LRTM3: variants seen among roughly 807,000 people sequenced by gnomAD.
LRTM3 encodes leucine-rich repeat transmembrane protein 3.
the LRTM3 span, chr13:102,739,843 T>G: frequency 6.5e-7 from 1 of 1,549,958 alleles, no homozygotes; most frequent in Non-Finnish European, 8.7e-7. Context: ...CCAAATCTAT[T>G]TCACTCATTC....
the LRTM3 span, chr13:102,740,881 G>T: frequency 1.3e-6 from 2 of 1,549,944 alleles, no homozygotes; most frequent in South Asian, 2.4e-5. Flanking sequence ...CCATTAAAGA[G>T]TGAGAAACAG....
At chr13:102,756,036 T>C in the LRTM3 span, among the ~76,000 whole-genome samples, 1 of 148,202 alleles carries the variant, frequency 6.7e-6, no homozygotes, top group Non-Finnish European at 1.5e-5. Context: ...CTCGTCTCAC[T>C]GCAACCTCTG....
chr13:102,743,134 T>C, the LRTM3 span: 5 of 1,550,488 alleles, frequency 3.2e-6, no homozygotes, highest in Admixed American at 9.8e-5. Context: ...GATCCATTTC[T>C]GTAAGATGTT....
At chr13:102,751,342 TACACACACAC>T in the LRTM3 span, among the ~76,000 whole-genome samples, 305 of 142,112 alleles carry the variant, frequency 2.1e-3, 1 homozygote, top group African/African-American at 3.0e-3. Flanking sequence ...TCTCTCTTTA[TACACACACAC>T]ACACACACAC....
chr13:102,745,417 C>T, the LRTM3 span: 3 of 1,550,754 alleles, frequency 1.9e-6, no homozygotes, highest in Non-Finnish European at 2.6e-6. Context: ...GTGTCATAGT[C>T]AGGAAAGCAT....
At chr13:102,735,187 T>TAA in the LRTM3 span, 1 of 1,551,336 alleles carries the variant, frequency 6.4e-7, no homozygotes, top group Non-Finnish European at 8.7e-7. Context: ...TGTGCGTATG[T>TAA]AAGACAGGCG....
the LRTM3 span, chr13:102,750,186 C>T: frequency 6.4e-7 from 1 of 1,551,210 alleles, no homozygotes; most frequent in Non-Finnish European, 8.7e-7. Flanking sequence ...TCCTCTACTT[C>T]TGAATAAAAC....
the LRTM3 span, chr13:102,731,210 T>C: frequency 1.3e-6 from 2 of 1,551,444 alleles, no homozygotes; most frequent in South Asian, 2.4e-5. Flanking sequence ...AATCAGTGTC[T>C]TCATATTGCT....
the LRTM3 span, chr13:102,731,754 C>CT: frequency 1.9e-6 from 3 of 1,551,130 alleles, no homozygotes; most frequent in Non-Finnish European, 2.6e-6. Context: ...GGCACAGTTC[C>CT]TGGGAAAGCT....
the LRTM3 span, chr13:102,735,113 C>A: frequency 6.4e-7 from 1 of 1,551,268 alleles, no homozygotes; most frequent in East Asian, 2.4e-5. Flanking sequence ...ACCTGGCCCA[C>A]TTTTAACTTT....
At chr13:102,747,919 G>A in the LRTM3 span, 1 of 1,551,174 alleles carries the variant, frequency 6.4e-7, no homozygotes, top group Non-Finnish European at 8.7e-7. Flanking sequence ...GATGTATGCT[G>A]AACCTGAAGC....
chr13:102,742,965 C>A, the LRTM3 span: 1 of 1,543,320 alleles, frequency 6.5e-7, no homozygotes, highest in Non-Finnish European at 8.7e-7. Context: ...CTTTCTTTTC[C>A]ATTTTTGTTT....
chr13:102,729,635 G>A, the LRTM3 span: 14 of 1,548,936 alleles, frequency 9.0e-6, no homozygotes, highest in Middle Eastern at 1.7e-4. Flanking sequence ...TGAGTCTGCC[G>A]GTACACAGGC....
chr13:102,731,119 C>T, the LRTM3 span: 1 of 1,551,242 alleles, frequency 6.4e-7, no homozygotes. Context: ...TAGCAGAAGT[C>T]ACTGCAGATG....
chr13:102,740,879 G>C, the LRTM3 span: 1 of 1,549,988 alleles, frequency 6.5e-7, no homozygotes, highest in Non-Finnish European at 8.7e-7. Context: ...GTCCATTAAA[G>C]AGTGAGAAAC....
chr13:102,739,717 C>A, the LRTM3 span: 4 of 1,549,462 alleles, frequency 2.6e-6, no homozygotes, highest in African/African-American at 5.5e-5. Flanking sequence ...CATTCTTTCC[C>A]TGTGATATGT....
chr13:102,748,099 G>A, the LRTM3 span: 1 of 1,551,014 alleles, frequency 6.4e-7, no homozygotes, highest in South Asian at 1.2e-5. Flanking sequence ...TTCTTAATGT[G>A]TCTGCCTTGG....
At chr13:102,733,104 G>A in the LRTM3 span, 1 of 1,551,420 alleles carries the variant, frequency 6.4e-7, no homozygotes, top group Non-Finnish European at 8.7e-7. Flanking sequence ...GTTTCCGATG[G>A]TGTCTTCTGC....
At chr13:102,749,880 A>G in the LRTM3 span, 1 of 1,551,456 alleles carries the variant, frequency 6.4e-7, no homozygotes. Flanking sequence ...GATCTTGAGC[A>G]TTGATAAGTA....
Sources: gnomAD v4.1 joint callset for allele counts (sites outside exome capture counted in the v4.1 genomes callset) on GRCh38, gnomAD v4.1.1 for gene constraint, MANE v1.5 for transcripts, NCBI Gene and HGNC (gene_info 2026-07-23, HGNC 2026-07-21) for gene names.